The following KIRREL3 variants were observed in gnomAD, a reference collection of about 807,000 sequenced individuals.
The protein encoded by KIRREL3 is kirre like nephrin family adhesion molecule 3, also known as kin of IRRE-like protein 3.
In KIRREL3, 36 loss-of-function variants were observed where a neutral mutation model predicts 89.7. That is an observed-to-expected ratio of 0.40 (90% CI 0.31 to 0.53). The LOEUF is 0.53. Ranked by LOEUF, KIRREL3 falls within the 20% of genes least tolerant of loss-of-function variation. KIRREL3 has a pLI of 0.49. For missense variants in KIRREL3, 864 were observed against 1,056.6 expected, an observed-to-expected ratio of 0.82 and a Z score of 2.53; for synonymous variants, 445 against 441.4, an observed-to-expected ratio of 1.01 and a Z score of -0.10.
chr11:126,725,009 G>A (rs546303043), intron 1 of KIRREL3, among the ~76,000 whole-genome samples: 2 of 152,304 alleles, frequency 1.3e-5, no homozygotes, highest in East Asian at 3.9e-4. Flanking sequence ...AGAGGTGAGG[G>A]GTTTCAGTGG....
At chr11:126,765,095 C>G (rs1431315448) in intron 1 of KIRREL3, among the ~76,000 whole-genome samples, 1 of 152,142 alleles carries the variant, frequency 6.6e-6, no homozygotes, top group African/African-American at 2.4e-5. Flanking sequence ...CAGAGAGTAA[C>G]AAAGAGTTTC....
At chr11:126,672,427 C>T (rs978257482) in intron 1 of KIRREL3, among the ~76,000 whole-genome samples, 3 of 152,114 alleles carry the variant, frequency 2.0e-5, no homozygotes, top group Non-Finnish European at 4.4e-5. Context: ...CAGGCGACAA[C>T]ATGGATGTAT....
chr11:126,778,563 T>A lies in KIRREL3; in HGVS notation c.56-215651A>T, dbSNP rs76840613. 0.018 allele frequency among the ~76,000 whole-genome samples: 2,725 copies of A among 152,374 alleles called. 86 individuals are homozygous for A. The highest frequency in any genetic ancestry group is 0.063 in the African/African-American group (2,603 of 41,578). On this transcript the variant is annotated intron_variant, in intron 1 of 16. Transcript: ENST00000525144. The surrounding 1 kb of genome is among the most constrained non-coding windows in gnomAD (Gnocchi z 4.5). Reference sequence around the variant, plus strand: ...AATGCTGCGGTAAATACCCTTTTACTGAAATCTTTGCACACATCCCAGATT... The same window carrying A: ...AATGCTGCGGTAAATACCCTTTTACAGAAATCTTTGCACACATCCCAGATT...
In KIRREL3 at chr11:126,883,365, T is replaced by C. The variant is rs954152995; in HGVS notation, c.55+117090A>G. On this transcript the variant is annotated intron_variant, in intron 1 of 16. Transcript: ENST00000525144. The surrounding 1 kb of genome is among the most constrained non-coding windows in gnomAD (Gnocchi z 4.1). Reference sequence around the variant, plus strand: ...ATAGCCTCTTCCCAACAAATGCTCATTGTCGCACTTCCTGTCACCTCTCTC... The same window carrying C: ...ATAGCCTCTTCCCAACAAATGCTCACTGTCGCACTTCCTGTCACCTCTCTC... 2.0e-5 allele frequency among the ~76,000 whole-genome samples: 3 copies of C among 152,162 alleles called. No individual in the cohort carries two copies. Among genetic ancestry groups the C allele is most frequent in the African/African-American group, 4.8e-5 (2 of 41,450 alleles).
At chr11:126,464,431 TAAG>T (rs1956652243) in intron 5 of KIRREL3, among the ~76,000 whole-genome samples, 1 of 151,212 alleles carries the variant, frequency 6.6e-6, no homozygotes, top group Non-Finnish European at 1.5e-5. Flanking sequence ...CTTGGGAGGC[TAAG>T]GTGAGAGGAT....
rs1426660385 is a variant in KIRREL3 at position 126,993,141 on chromosome 11, A to G, written c.55+7314T>C. 6.6e-6 allele frequency among the ~76,000 whole-genome samples: 1 copy of G among 152,236 alleles called. No individual in the cohort carries two copies. The highest frequency in any genetic ancestry group is 1.5e-5 in the Non-Finnish European group (1 of 68,036). ...AGAAATACCAAGAAGTAAAAATAACATGTTGATCCCTAAACCCGTGATGTA... is the reference window on the plus strand; with the variant it reads ...AGAAATACCAAGAAGTAAAAATAACGTGTTGATCCCTAAACCCGTGATGTA... On this transcript the variant is annotated intron_variant, in intron 1 of 16. Transcript: ENST00000525144. The surrounding 1 kb of genome is among the most constrained non-coding windows in gnomAD (Gnocchi z 6.1).
At chr11:126,451,286 G>GTGTGTGCA (rs1254120515) in intron 7 of KIRREL3, among the ~76,000 whole-genome samples, 7 of 145,188 alleles carry the variant, frequency 4.8e-5, no homozygotes, top group African/African-American at 1.3e-4. Context: ...GCATGTGTGC[G>GTGTGTGCA]TGTGTGCATG....
At position 126,564,347 on chromosome 11, in the gene KIRREL3, A is replaced by C. The variant is rs1170655758; in HGVS notation, c.56-1435T>G. 2.0e-5 allele frequency among the ~76,000 whole-genome samples: 3 copies of C among 152,222 alleles called. No individual in the cohort carries two copies. Among genetic ancestry groups the C allele is most frequent in the Non-Finnish European group, 4.4e-5 (3 of 68,034 alleles). On this transcript the variant is annotated intron_variant, in intron 1 of 16. Coordinates refer to ENST00000525144, the MANE Select transcript of KIRREL3 (RefSeq NM_032531.4). This position sits in a 1 kb window ranked among gnomAD's most constrained non-coding sequence, Gnocchi z 7.4. ...CAGGATGAAAGAGAGTGCAGGGCCC[A>C]TGAGACACAGATAAGTCAAGCTCAG... is the stretch of plus-strand genomic sequence containing the variant.
chr11:126,856,620 T>TA (rs1555061752), intron 1 of KIRREL3, among the ~76,000 whole-genome samples: 933 of 11,900 alleles, frequency 0.078, 2 homozygotes, highest in Non-Finnish European at 0.11. Flanking sequence ...CAGACATATA[T>TA]TTTTTTTTTC....
chr11:126,612,663 T>A lies in KIRREL3; in HGVS notation c.56-49751A>T, dbSNP rs1348177005. ...AAACCCCACACCCATCACTCCCCAT[T>A]TCTGTCCCCGTCGGTAGCCATTAAC... On this transcript the variant is annotated intron_variant, in intron 1 of 16. Transcript: ENST00000525144. The surrounding 1 kb of genome is among the most constrained non-coding windows in gnomAD (Gnocchi z 4.5). Among the ~76,000 whole-genome samples the A allele has an allele frequency of 1.3e-5, 2 of 152,168 alleles. No homozygotes were observed. The highest frequency in any genetic ancestry group is 2.4e-5 in the African/African-American group (1 of 41,438).
At chr11:126,871,261 C>T (rs1945099036) in intron 1 of KIRREL3, among the ~76,000 whole-genome samples, 1 of 152,096 alleles carries the variant, frequency 6.6e-6, no homozygotes, top group African/African-American at 2.4e-5. Flanking sequence ...TCATAAAGAA[C>T]TTCTAAGTCT....
intron 5 of KIRREL3, among the ~76,000 whole-genome samples, chr11:126,472,915 A>G (rs1664514019): frequency 7.1e-6 from 1 of 140,998 alleles, no homozygotes; most frequent in Non-Finnish European, 1.5e-5. Flanking sequence ...TTCCCTCCCC[A>G]TCCAGCCCCC....
rs1465596957 is a variant in KIRREL3, at chr11:126,620,256, TTGGATTCTAGACCCAAGG to T, written c.56-57362_56-57345del. 1.3e-5 allele frequency among the ~76,000 whole-genome samples: 2 copies of T among 152,242 alleles called. No homozygotes were observed. Among genetic ancestry groups the T allele is most frequent in the Non-Finnish European group, 1.5e-5 (1 of 68,038 alleles). On this transcript the variant is annotated intron_variant, in intron 1 of 16. Coordinates refer to ENST00000525144, the MANE Select transcript of KIRREL3 (RefSeq NM_032531.4). This position sits in a 1 kb window ranked among gnomAD's most constrained non-coding sequence, Gnocchi z 4.8. ...CTTCCCTTGTTCTTTGAATTGATCC[TTGGATTCTAGACCCAAGG>T]TGGATTCTAGACCCATTATCTTGAT...
chr11:126,510,671 C>T (rs1811842971), intron 4 of KIRREL3, among the ~76,000 whole-genome samples: 1 of 152,122 alleles, frequency 6.6e-6, no homozygotes, highest in African/African-American at 2.4e-5. Flanking sequence ...GGGAGGGACC[C>T]TATTCCCCTA....
chr11:126,761,945 G>T lies in KIRREL3; in HGVS notation c.56-199033C>A, dbSNP rs912152858. Among the ~76,000 whole-genome samples, 1 of 152,106 alleles carries T rather than the reference G, an allele frequency of 6.6e-6. No homozygotes were observed. The highest frequency in any genetic ancestry group is 6.6e-5 in the Admixed American group (1 of 15,266). On this transcript the variant is annotated intron_variant, in intron 1 of 16. Coordinates refer to ENST00000525144, the MANE Select transcript of KIRREL3 (RefSeq NM_032531.4). This position sits in a 1 kb window ranked among gnomAD's most constrained non-coding sequence, Gnocchi z 4.4. Reference sequence around the variant, plus strand: ...TGTAATCCCAACACTTTGGGAGGCCGAGGGGGGCAGATCACCTGAGGTCAG... The same window carrying T: ...TGTAATCCCAACACTTTGGGAGGCCTAGGGGGGCAGATCACCTGAGGTCAG...
intron 15 of KIRREL3, among the ~76,000 whole-genome samples, chr11:126,426,905 A>C (rs913449548): frequency 2.0e-5 from 3 of 152,166 alleles, no homozygotes; most frequent in Non-Finnish European, 4.4e-5. Context: ...ATCAGATTCA[A>C]CTTCTAAGTC....
At chr11:126,616,720 C>T (rs1050483776) in intron 1 of KIRREL3, among the ~76,000 whole-genome samples, 5 of 152,208 alleles carry the variant, frequency 3.3e-5, no homozygotes, top group Non-Finnish European at 5.9e-5. Flanking sequence ...TGGCTCACTC[C>T]AGCATTGAAT....
chr11:126,956,556 CA>C (rs768933058), intron 1 of KIRREL3, among the ~76,000 whole-genome samples: 1 of 152,178 alleles, frequency 6.6e-6, no homozygotes, highest in Non-Finnish European at 1.5e-5. Context: ...CCACAAGAAG[CA>C]GCAGCCCAAG....
intron 1 of KIRREL3, among the ~76,000 whole-genome samples, chr11:126,884,635 G>A (rs1339084385): frequency 6.6e-6 from 1 of 152,192 alleles, no homozygotes; most frequent in Non-Finnish European, 1.5e-5. Flanking sequence ...GGGTAAAATA[G>A]CAAATGCATA....
Sources: gnomAD v4.1 joint callset for allele counts (sites outside exome capture counted in the v4.1 genomes callset) on GRCh38, gnomAD v4.1.1 for gene constraint, Gnocchi (gnomAD v3.1) non-coding constraint, MANE v1.5 for transcripts, NCBI Gene and HGNC (gene_info 2026-07-23, HGNC 2026-07-21) for gene names.